The following UBE3D variants were observed in gnomAD, a reference collection of about 807,000 sequenced individuals.
UBE3D encodes ubiquitin protein ligase E3D.
In UBE3D, 48 loss-of-function variants were observed where a neutral mutation model predicts 49.6. The ratio of observed to expected loss-of-function variants is 0.97; its 90% CI spans 0.77 to 1.23. The LOEUF is 1.23. Ranked by LOEUF, UBE3D falls within the 50% of genes most tolerant of loss-of-function variation. The pLI, the probability that UBE3D is intolerant of heterozygous loss-of-function variation, is 0.00. For missense variants in UBE3D, 452 were observed against 468.4 expected (o/e 0.96, Z 0.32); for synonymous variants, 189 against 174.2 (o/e 1.08, Z -0.67).
chr6:82,999,471 GC>G (rs997409808), intron 8 of UBE3D, among the ~76,000 whole-genome samples: 1 of 152,112 alleles, frequency 6.6e-6, no homozygotes, highest in African/African-American at 2.4e-5. Context: ...GGCAACCTCT[GC>G]CTCTTGGGTT....
chr6:82,889,453 T>A (rs1326398784), downstream of UBE3D, among the ~76,000 whole-genome samples: 4 of 152,220 alleles, frequency 2.6e-5, no homozygotes, highest in South Asian at 2.1e-4. Flanking sequence ...TTTGCTAATA[T>A]CGGTGGATCC....
chr6:82,922,398 G>C (rs1184019981), intron 9 of UBE3D, among the ~76,000 whole-genome samples: 1 of 152,070 alleles, frequency 6.6e-6, no homozygotes, highest in African/African-American at 2.4e-5. Context: ...TCATTTTATG[G>C]GGCTATTGAA....
intron 8 of UBE3D, among the ~76,000 whole-genome samples, chr6:83,011,585 T>A (rs148110643): frequency 6.6e-6 from 1 of 152,202 alleles, no homozygotes; most frequent in Non-Finnish European, 1.5e-5. Flanking sequence ...TGTGGAGTAG[T>A]AGACTGATTT....
chr6:83,056,469 G>A (rs1232906011), intron 2 of UBE3D, among the ~76,000 whole-genome samples: 1 of 152,154 alleles, frequency 6.6e-6, no homozygotes, highest in Admixed American at 6.5e-5. Context: ...GGTGCAATCA[G>A]GGAGTCTACT....
At chr6:82,969,027 G>C (rs1777149904) in intron 8 of UBE3D, among the ~76,000 whole-genome samples, 1 of 152,162 alleles carries the variant, frequency 6.6e-6, no homozygotes, top group African/African-American at 2.4e-5. Flanking sequence ...ATTGAAATCA[G>C]GAAGTAGACA....
downstream of UBE3D, among the ~76,000 whole-genome samples, chr6:82,888,815 A>C (rs1029088647): frequency 4.5e-5 from 6 of 132,980 alleles, no homozygotes; most frequent in Non-Finnish European, 7.7e-5. Flanking sequence ...TGTTGTTTTG[A>C]ACAATTATGT....
rs867655950 is a variant in UBE3D, at chr6:83,025,902, A to G, written c.668-1864T>C. The stretch of plus-strand genomic sequence containing the variant: ...CATCTTAAAAAAAAAAAAAAAAAAA[A>G]AAAGAAAAATTGTGTATGTATTGTG... On this transcript the variant is annotated intron_variant, in intron 5 of 9. Coordinates refer to ENST00000369747, the MANE Select transcript of UBE3D (RefSeq NM_198920.3). Among the ~76,000 whole-genome samples, 612 of 150,742 alleles carry G rather than the reference A, an allele frequency of 4.1e-3. 10 individuals carry two copies. The highest frequency in any genetic ancestry group is 0.013 in the African/African-American group (532 of 40,630).
At chr6:82,941,439 T>C (rs1473384249) in intron 9 of UBE3D, among the ~76,000 whole-genome samples, 2 of 152,084 alleles carry the variant, frequency 1.3e-5, no homozygotes, top group East Asian at 1.9e-4. Flanking sequence ...TGAAAGTATA[T>C]AGAAAAAAAA....
At position 83,057,914 on chromosome 6, in the gene UBE3D, C is replaced by G; in HGVS notation, c.186G>C (p.Arg62Ser). The G allele has an allele frequency of 6.2e-7, 1 of 1,614,168 alleles. No individual in the cohort carries two copies. The highest frequency in any genetic ancestry group is 8.5e-7 in the Non-Finnish European group (1 of 1,180,028). ...GCCCACGGCAAGAGGAAGGTACAAG[C>G]CTGACCTCTGCTGGAAGCTGGATTT... ...CTEIQLPAEV[R>S]LVPSSCRGLQ... The change falls in exon 2 of 10, where the codon AGG becomes AGC. Residue 62 changes from arginine (R) to serine (S), a missense_variant. Transcript: ENST00000369747.
intron 9 of UBE3D, among the ~76,000 whole-genome samples, chr6:82,894,448 T>C (rs1771164513): frequency 6.6e-6 from 1 of 152,126 alleles, no homozygotes; most frequent in Non-Finnish European, 1.5e-5. Flanking sequence ...TAAGCCATAC[T>C]GCCCAGACCC....
At chr6:83,032,204 C>T (rs2127791656) in intron 5 of UBE3D, 2 of 456,266 alleles carry the variant, frequency 4.4e-6, no homozygotes, top group Non-Finnish European at 8.8e-6. Context: ...CACAGTACCT[C>T]AACACCAGCC....
In UBE3D at chr6:83,057,963, A is replaced by G. The variant is rs1783922052; in HGVS notation, c.137T>C (p.Met46Thr). ...TTCTGTGCAGCCTTCAGGGGTTTTCATCTGGAGTGAAGATGGCATTATGGA... is the reference window on the plus strand; with the variant it reads ...TTCTGTGCAGCCTTCAGGGGTTTTCGTCTGGAGTGAAGATGGCATTATGGA... Reference protein sequence around the residue: ...NISIMPSSLQMKTPEGCTEIQ... With the variant: ...NISIMPSSLQTKTPEGCTEIQ... The change falls in exon 2 of 10, where the codon ATG becomes ACG. Residue 46 changes from methionine to threonine, a missense_variant. Coordinates refer to ENST00000369747, the MANE Select transcript of UBE3D (RefSeq NM_198920.3). 6.2e-7 allele frequency: 1 copy of G among 1,614,076 alleles called. No homozygotes were observed. The highest frequency in any genetic ancestry group is 1.3e-5 in the African/African-American group (1 of 74,930).
intron 4 of UBE3D, among the ~76,000 whole-genome samples, chr6:83,042,344 A>C (rs529424470): frequency 4.8e-4 from 73 of 152,258 alleles, no homozygotes; most frequent in Non-Finnish European, 5.9e-4. Flanking sequence ...AAAGCCTCCA[A>C]TAAAGTATTA....
chr6:82,903,333 T>C (rs1771873068), intron 9 of UBE3D, among the ~76,000 whole-genome samples: 1 of 151,980 alleles, frequency 6.6e-6, no homozygotes, highest in Non-Finnish European at 1.5e-5. Flanking sequence ...TTTGGATTAG[T>C]GGTAAGGAGG....
At chr6:82,931,810 T>C (rs1431576156) in intron 9 of UBE3D, among the ~76,000 whole-genome samples, 3 of 152,100 alleles carry the variant, frequency 2.0e-5, no homozygotes, top group African/African-American at 7.2e-5. Flanking sequence ...TGGACTCGGA[T>C]TGGGTTTTGA....
intron 1 of UBE3D, among the ~76,000 whole-genome samples, chr6:83,061,416 A>G (rs540572141): frequency 1.3e-5 from 2 of 152,354 alleles, no homozygotes; most frequent in African/African-American, 4.8e-5. Context: ...TGAGTGTTGG[A>G]TGATGGTTCT....
chr6:82,887,122 G>A, the UBE3D span, among the ~76,000 whole-genome samples: 1 of 151,282 alleles, frequency 6.6e-6, no homozygotes, highest in Non-Finnish European at 1.5e-5. Context: ...TGGCCAACAT[G>A]GTGAAACCCT....
intron 8 of UBE3D, among the ~76,000 whole-genome samples, chr6:82,975,878 ATTCTT>A (rs1013506970): frequency 6.6e-5 from 10 of 152,322 alleles, no homozygotes; most frequent in East Asian, 3.9e-4. Context: ...TATTAATAGA[ATTCTT>A]TTCTTAGGTA....
At chr6:82,978,052 C>A (rs1777852866) in intron 8 of UBE3D, among the ~76,000 whole-genome samples, 1 of 152,030 alleles carries the variant, frequency 6.6e-6, no homozygotes, top group Non-Finnish European at 1.5e-5. Flanking sequence ...CTCTCTCATG[C>A]CCCACATCTC....
Sources: allele counts gnomAD v4.1 joint callset (sites outside exome capture counted in the v4.1 genomes callset), GRCh38; gene constraint gnomAD v4.1.1; transcripts MANE v1.5; gene names NCBI Gene and HGNC (gene_info 2026-07-23, HGNC 2026-07-21).